The following LEKR1 variants were observed in gnomAD, a reference collection of about 807,000 sequenced individuals.
The protein encoded by LEKR1 is protein LEKR1.
LEKR1 carries 59 observed loss-of-function variants against 72.4 expected under a neutral mutation model. That is an observed-to-expected ratio of 0.82 (90% CI 0.66 to 1.01). The LOEUF is 1.01. Ranked by LOEUF, LEKR1 falls within the 50% of genes least tolerant of loss-of-function variation. The probability of loss-of-function intolerance (pLI) is 0.00; values close to 1 mark genes in which losing one functional copy is unlikely to be tolerated. For synonymous variants in LEKR1, 257 were observed against 263.2 expected, an observed-to-expected ratio of 0.98 and a Z score of 0.23; for missense variants, 728 against 759.2, an observed-to-expected ratio of 0.96 and a Z score of 0.48.
intron 3 of LEKR1, among the ~76,000 whole-genome samples, chr3:156,913,182 G>A (rs1723280579): frequency 1.3e-5 from 2 of 152,160 alleles, no homozygotes; most frequent in Non-Finnish European, 2.9e-5. Flanking sequence ...GACATTGATA[G>A]TTTGATAGGG....
chr3:157,037,836 G>A (rs969204679), intron 12 of LEKR1, among the ~76,000 whole-genome samples: 1 of 152,158 alleles, frequency 6.6e-6, no homozygotes, highest in Non-Finnish European at 1.5e-5. Flanking sequence ...GAGGCAAAGA[G>A]CATTCCAGGG....
chr3:156,903,873 T>C (rs1335373983), intron 3 of LEKR1, among the ~76,000 whole-genome samples: 1 of 152,218 alleles, frequency 6.6e-6, no homozygotes, highest in Non-Finnish European at 1.5e-5. Flanking sequence ...GTTGGGGAGA[T>C]GTTTTATCCA....
At chr3:157,035,121 T>A (rs1173942523) in intron 12 of LEKR1, among the ~76,000 whole-genome samples, 4 of 152,214 alleles carry the variant, frequency 2.6e-5, no homozygotes, top group African/African-American at 4.8e-5. Context: ...TTTTTAGACT[T>A]AATGCTATTG....
chr3:156,888,595 A>C, intron 3 of LEKR1: 1 of 490,798 alleles, frequency 2.0e-6, no homozygotes, highest in Non-Finnish European at 3.7e-6. Context: ...GAGAGAGCTA[A>C]TTAAGCATGC....
intron 3 of LEKR1, among the ~76,000 whole-genome samples, chr3:156,864,932 C>T (rs1717146882): frequency 6.6e-6 from 1 of 152,010 alleles, no homozygotes; most frequent in Non-Finnish European, 1.5e-5. Flanking sequence ...TACATTCTCT[C>T]TTCAGTTTCC....
intron 2 of LEKR1, among the ~76,000 whole-genome samples, chr3:156,831,699 T>C (rs1485740617): frequency 1.3e-5 from 2 of 152,152 alleles, no homozygotes; most frequent in African/African-American, 4.8e-5. Flanking sequence ...GTGAGACTTA[T>C]TCACTATCAT....
intron 3 of LEKR1, among the ~76,000 whole-genome samples, chr3:156,902,011 C>T (rs1722085009): frequency 6.6e-6 from 1 of 152,084 alleles, no homozygotes; most frequent in Admixed American, 6.6e-5. Context: ...AGTTCTCTGC[C>T]TTATTTCCGG....
intron 6 of LEKR1, among the ~76,000 whole-genome samples, chr3:156,947,296 G>A (rs1288607286): frequency 1.3e-5 from 2 of 151,034 alleles, no homozygotes; most frequent in Non-Finnish European, 3.0e-5. Flanking sequence ...CTATGTTGGT[G>A]CAAGATATAG....
intron 3 of LEKR1, among the ~76,000 whole-genome samples, chr3:156,855,931 TC>T (rs1442435309): frequency 2.0e-5 from 3 of 152,076 alleles, no homozygotes; most frequent in African/African-American, 7.2e-5. Context: ...ACCCTCCAAT[TC>T]CACCCCCTTA....
intron 3 of LEKR1, among the ~76,000 whole-genome samples, chr3:156,906,390 T>A (rs1029320223): frequency 2.6e-5 from 4 of 152,186 alleles, no homozygotes; most frequent in Non-Finnish European, 5.9e-5. Context: ...ATGGTTGCAT[T>A]GGCAAGAGGA....
chr3:157,043,568 G>T (rs578068489), intron 12 of LEKR1, among the ~76,000 whole-genome samples: 1 of 152,154 alleles, frequency 6.6e-6, no homozygotes, highest in South Asian at 2.1e-4. Context: ...AAGTGAGCAG[G>T]GCTACTACTT....
At chr3:156,948,775 A>G (rs974637073) in intron 6 of LEKR1, among the ~76,000 whole-genome samples, 1 of 151,280 alleles carries the variant, frequency 6.6e-6, no homozygotes, top group African/African-American at 2.4e-5. Context: ...ACTAATTTAC[A>G]CTCCCAGCAA....
intron 3 of LEKR1, among the ~76,000 whole-genome samples, chr3:156,912,577 C>T (rs896563807): frequency 2.0e-5 from 3 of 152,200 alleles, no homozygotes; most frequent in African/African-American, 7.2e-5. Context: ...GTTCCTGTGC[C>T]TGTGGCTACT....
intron 3 of LEKR1, among the ~76,000 whole-genome samples, chr3:156,906,482 C>T (rs1343499696): frequency 2.6e-5 from 4 of 152,164 alleles, no homozygotes; most frequent in Admixed American, 1.3e-4. Flanking sequence ...TTCAGGAACA[C>T]CCTCTGAGTA....
In LEKR1 at chr3:157,045,440, A is replaced by G. The variant is rs1470240007; in HGVS notation, c.1769A>G (p.Lys590Arg). 1.2e-6 allele frequency: 2 copies of G among 1,614,022 alleles called. No homozygotes were observed. The highest frequency in any genetic ancestry group is 2.7e-5 in the African/African-American group (2 of 74,914). Residue 590 changes from lysine (K) to arginine (R), a missense_variant, in exon 13 of 13, where the codon AAG (lysine) becomes AGG (arginine). By Grantham distance (26) the Lys-to-Arg change is conservative (BLOSUM62 2). Coordinates refer to ENST00000356539, the MANE Select transcript of LEKR1 (RefSeq NM_001004316.3). ...QAREQLLELS[K>R]LRGSLPFSPC... The stretch of plus-strand genomic sequence containing the variant: ...AGAGAACAGCTCCTGGAGCTCAGTA[A>G]GCTTCGTGGAAGTTTACCATTCTCA...
At chr3:156,957,838 C>T (rs1727785590) in intron 6 of LEKR1, among the ~76,000 whole-genome samples, 2 of 151,964 alleles carry the variant, frequency 1.3e-5, no homozygotes, top group Non-Finnish European at 2.9e-5. Flanking sequence ...TGTCACCCAG[C>T]CTGGAATACA....
chr3:157,020,701 C>T (rs896336881), intron 10 of LEKR1, among the ~76,000 whole-genome samples: 7 of 151,838 alleles, frequency 4.6e-5, no homozygotes, highest in Non-Finnish European at 1.0e-4. Context: ...GGGTTGGTTC[C>T]ATGTCTTTGC....
At chr3:157,042,286 A>C (rs1577034252) in intron 12 of LEKR1, among the ~76,000 whole-genome samples, 2 of 152,346 alleles carry the variant, frequency 1.3e-5, no homozygotes, top group East Asian at 3.9e-4. Context: ...TTTGTCTTGC[A>C]AGCTAATAAC....
intron 6 of LEKR1, among the ~76,000 whole-genome samples, chr3:156,954,644 G>T (rs1383072121): frequency 2.0e-5 from 3 of 151,870 alleles, no homozygotes; most frequent in Admixed American, 1.3e-4. Flanking sequence ...CTTTTGTCAG[G>T]TTTGTCAAAT....
Sources: gnomAD v4.1 joint callset for allele counts (sites outside exome capture counted in the v4.1 genomes callset) on GRCh38, gnomAD v4.1.1 for gene constraint, MANE v1.5 for transcripts, NCBI Gene and HGNC (gene_info 2026-07-23, HGNC 2026-07-21) for gene names.